EPHA7: variants seen among roughly 807,000 people sequenced by gnomAD.
EPHA7 encodes ephrin type-A receptor 7.
Under a neutral mutation model 112.6 loss-of-function variants are expected in EPHA7, and 25 were observed. The observed-to-expected ratio is 0.22, with a 90% confidence interval of 0.16 to 0.31. The LOEUF is 0.31. Among genes scored for constraint, EPHA7 ranks in the 10% least tolerant of loss-of-function variants. EPHA7 has a pLI of 1.00. For synonymous variants in EPHA7, 437 were observed against 406.5 expected (o/e 1.07, Z -0.90); for missense variants, 962 against 1,212.6 (o/e 0.79, Z 3.07).
intron 2 of EPHA7, among the ~76,000 whole-genome samples, chr6:93,413,454 T>C (rs923270938): frequency 2.0e-5 from 3 of 151,924 alleles, no homozygotes; most frequent in African/African-American, 7.2e-5. Flanking sequence ...TTTGTTTTAA[T>C]TGATGGATGG....
chr6:93,395,031 AT>A (rs914944068), intron 3 of EPHA7, among the ~76,000 whole-genome samples: 1 of 151,436 alleles, frequency 6.6e-6, no homozygotes, highest in African/African-American at 2.4e-5. Flanking sequence ...TTTTGTGAGA[AT>A]TTTTTTTACA....
At chr6:93,346,518 A>G (rs1775413708) in intron 5 of EPHA7, among the ~76,000 whole-genome samples, 1 of 151,846 alleles carries the variant, frequency 6.6e-6, no homozygotes, top group Non-Finnish European at 1.5e-5. Context: ...TTGGAAACCT[A>G]TTACAAATGT....
At chr6:93,413,045 A>C (rs1020966004) in intron 2 of EPHA7, among the ~76,000 whole-genome samples, 1 of 152,008 alleles carries the variant, frequency 6.6e-6, no homozygotes, top group Admixed American at 6.6e-5. Flanking sequence ...TTGTTTTATT[A>C]TCTCACTTTC....
At chr6:93,292,816 T>G (rs1772448395) in intron 5 of EPHA7, among the ~76,000 whole-genome samples, 1 of 152,140 alleles carries the variant, frequency 6.6e-6, no homozygotes, top group Non-Finnish European at 1.5e-5. Flanking sequence ...GAACTACAGG[T>G]GATAAGACTG....
At chr6:93,397,109 C>T (rs900412367) in intron 3 of EPHA7, among the ~76,000 whole-genome samples, 7 of 151,006 alleles carry the variant, frequency 4.6e-5, no homozygotes, top group African/African-American at 1.5e-4. Flanking sequence ...TATCATTAAC[C>T]GCAATCATTA....
intron 5 of EPHA7, among the ~76,000 whole-genome samples, chr6:93,319,639 TGAGAACTGGATGTA>T (rs1468601495): frequency 3.9e-5 from 6 of 152,036 alleles, no homozygotes; most frequent in African/African-American, 1.4e-4. Context: ...CTGCTGTGAT[TGAGAACTGGATGTA>T]GAGTCAAGTA....
intron 2 of EPHA7, among the ~76,000 whole-genome samples, chr6:93,413,108 T>C (rs905530118): frequency 6.6e-6 from 1 of 151,968 alleles, no homozygotes; most frequent in African/African-American, 2.4e-5. Flanking sequence ...AATGTCTTCA[T>C]TCAGACACTG....
chr6:93,401,328 C>T (rs899223734), intron 3 of EPHA7, among the ~76,000 whole-genome samples: 1 of 152,014 alleles, frequency 6.6e-6, no homozygotes, highest in African/African-American at 2.4e-5. Flanking sequence ...TGTCATTCAT[C>T]GACGCTAAAC....
chr6:93,309,785 A>G (rs1324953930), intron 5 of EPHA7, among the ~76,000 whole-genome samples: 1 of 152,220 alleles, frequency 6.6e-6, no homozygotes, highest in African/African-American at 2.4e-5. Context: ...AAGTAAAAGC[A>G]TTAACATAAC....
At chr6:93,256,113 G>A (rs1385603307) in intron 12 of EPHA7, 76 bp from the exon 13 acceptor site, 5 of 1,311,232 alleles carry the variant, frequency 3.8e-6, no homozygotes, top group Non-Finnish European at 4.3e-6. Context: ...AAAAATATCT[G>A]CGTGCTAGCA....
At chr6:93,299,029 T>G (rs903829965) in intron 5 of EPHA7, among the ~76,000 whole-genome samples, 2 of 151,914 alleles carry the variant, frequency 1.3e-5, no homozygotes, top group African/African-American at 4.8e-5. Flanking sequence ...GCCAACAAGC[T>G]TATGAAAAAA....
At chr6:93,310,739 C>T (rs1174107685) in intron 5 of EPHA7, among the ~76,000 whole-genome samples, 1 of 151,932 alleles carries the variant, frequency 6.6e-6, no homozygotes, top group African/African-American at 2.4e-5. Context: ...TATCTAAAAT[C>T]TTCATTAAAA....
At chr6:93,298,916 A>T (rs556041628) in intron 5 of EPHA7, among the ~76,000 whole-genome samples, 1 of 152,290 alleles carries the variant, frequency 6.6e-6, no homozygotes, top group Non-Finnish European at 1.5e-5. Flanking sequence ...TATTAGTGGA[A>T]TATCCAGCAT....
At chr6:93,254,566 A>T in intron 14 of EPHA7, 81 bp downstream of exon 14, 5 of 1,116,240 alleles carry the variant, frequency 4.5e-6, no homozygotes, top group Non-Finnish European at 6.2e-6. Flanking sequence ...AGTGTTCTTA[A>T]TGAGCCTTTA....
intron 3 of EPHA7, among the ~76,000 whole-genome samples, chr6:93,365,939 G>T (rs1435691933): frequency 6.6e-6 from 1 of 150,478 alleles, no homozygotes; most frequent in Non-Finnish European, 1.5e-5. Flanking sequence ...AGAAAAACAT[G>T]TAAAATAAGA....
chr6:93,328,693 C>T (rs938531728), intron 5 of EPHA7, among the ~76,000 whole-genome samples: 1 of 151,246 alleles, frequency 6.6e-6, no homozygotes, highest in African/African-American at 2.4e-5. Flanking sequence ...ATCAAAGGGG[C>T]ACTATTCAAT....
chr6:93,316,797 T>G (rs1209222703), intron 5 of EPHA7, among the ~76,000 whole-genome samples: 2 of 152,180 alleles, frequency 1.3e-5, no homozygotes, highest in African/African-American at 2.4e-5. Context: ...CGTAAATGAA[T>G]AGTATGCATT....
intron 3 of EPHA7, among the ~76,000 whole-genome samples, chr6:93,408,393 T>C (rs1778817539): frequency 6.6e-6 from 1 of 152,098 alleles, no homozygotes; most frequent in South Asian, 2.1e-4. Flanking sequence ...ATTAGTTCAC[T>C]GAGAATATTT....
At chr6:93,297,658 T>C (rs376315510) in intron 5 of EPHA7, among the ~76,000 whole-genome samples, 2 of 152,132 alleles carry the variant, frequency 1.3e-5, no homozygotes, top group Non-Finnish European at 2.9e-5. Context: ...CCACTGGTTA[T>C]TAAAATAAAA....
Sources: allele counts gnomAD v4.1 joint callset (sites outside exome capture counted in the v4.1 genomes callset), GRCh38; gene constraint gnomAD v4.1.1; transcripts MANE v1.5; gene names NCBI Gene and HGNC (gene_info 2026-07-23, HGNC 2026-07-21).